SLC22A3: variants seen among roughly 807,000 people sequenced by gnomAD.
The protein encoded by SLC22A3 is EMT organic cation transporter 3.
A neutral mutation model predicts 59.1 loss-of-function variants in SLC22A3; 51 were observed. The ratio of observed to expected loss-of-function variants is 0.86; its 90% CI spans 0.69 to 1.09. SLC22A3 has a LOEUF of 1.09. Among genes scored for constraint, SLC22A3 ranks in the 50% least tolerant of loss-of-function variants. The pLI is 0.00. For synonymous variants in SLC22A3, 325 were observed against 292.0 expected (o/e 1.11, Z -1.15); for missense variants, 711 against 726.3 (o/e 0.98, Z 0.24).
chr6:160,348,859 C>T lies in SLC22A3; in HGVS notation c.429+11C>T, dbSNP rs758533468. On this transcript the variant is annotated intron_variant, in intron 1 of 10. Transcript: ENST00000275300. ...ACCATCGTCAGCGAGGTAAGGGCGC[C>T]CCGGCCCTTTGGAAGCCGGCGGGAG... 1 of 1,573,770 alleles carries T rather than the reference C, an allele frequency of 6.4e-7. No individual in the cohort carries two copies. Among genetic ancestry groups the T allele is most frequent in the Non-Finnish European group, 8.6e-7 (1 of 1,168,224 alleles).
intron 1 of SLC22A3, among the ~76,000 whole-genome samples, chr6:160,378,987 A>C (rs1785698275): frequency 6.6e-6 from 1 of 152,198 alleles, no homozygotes; most frequent in African/African-American, 2.4e-5. Context: ...CACCATTATT[A>C]AGTCGAAAAT....
chr6:160,405,508 G>C (rs562431790), intron 2 of SLC22A3, among the ~76,000 whole-genome samples: 4 of 152,222 alleles, frequency 2.6e-5, no homozygotes, highest in African/African-American at 9.6e-5. Flanking sequence ...ACACATTTTT[G>C]TAATTCTTAC....
At chr6:160,384,460 A>C (rs1785917961) in intron 1 of SLC22A3, among the ~76,000 whole-genome samples, 1 of 152,224 alleles carries the variant, frequency 6.6e-6, no homozygotes. Flanking sequence ...TTCAGCAGAG[A>C]AACTGGAATC....
intron 1 of SLC22A3, among the ~76,000 whole-genome samples, chr6:160,396,885 T>C (rs938226259): frequency 5.3e-5 from 8 of 152,274 alleles, no homozygotes; most frequent in African/African-American, 1.7e-4. Context: ...TTATTGTACA[T>C]AGAAGTATGG....
chr6:160,364,941 T>A (rs1785153957), intron 1 of SLC22A3, among the ~76,000 whole-genome samples: 1 of 152,196 alleles, frequency 6.6e-6, no homozygotes, highest in Non-Finnish European at 1.5e-5. Context: ...TCTTTTACCT[T>A]ATTGAGTTTA....
intron 1 of SLC22A3, among the ~76,000 whole-genome samples, chr6:160,350,779 G>A (rs191014958): frequency 1.3e-5 from 2 of 152,270 alleles, no homozygotes; most frequent in Admixed American, 1.3e-4. Context: ...CTAGCATCCC[G>A]GGGTTACAAT....
At chr6:160,370,504 G>C (rs992496975) in intron 1 of SLC22A3, among the ~76,000 whole-genome samples, 5 of 152,176 alleles carry the variant, frequency 3.3e-5, no homozygotes, top group African/African-American at 1.2e-4. Flanking sequence ...CATTGTTAAT[G>C]CTCTTATGTT....
intron 5 of SLC22A3, among the ~76,000 whole-genome samples, chr6:160,426,705 G>A (rs1415812350): frequency 6.6e-6 from 1 of 152,200 alleles, no homozygotes; most frequent in East Asian, 1.9e-4. Flanking sequence ...TACCTGCTGT[G>A]TCTCTGGTCT....
At chr6:160,384,780 C>A (rs1207067893) in intron 1 of SLC22A3, among the ~76,000 whole-genome samples, 1 of 152,182 alleles carries the variant, frequency 6.6e-6, no homozygotes, top group Non-Finnish European at 1.5e-5. Context: ...CCGCTCCCCT[C>A]CTTCCCACCC....
At position 160,426,149 on chromosome 6, in the gene SLC22A3, T is replaced by C. The variant is rs1043914779; in HGVS notation, c.976-10631T>C. Reference sequence around the variant, plus strand: ...ATTTTGAGGTGCATCTAAACTGATCTTCAAACTCTTCAGCTATACCTGACT... The same window carrying C: ...ATTTTGAGGTGCATCTAAACTGATCCTCAAACTCTTCAGCTATACCTGACT... On this transcript the variant is annotated intron_variant, in intron 5 of 10. Coordinates refer to ENST00000275300, the MANE Select transcript of SLC22A3 (RefSeq NM_021977.4). 5.1e-6 allele frequency: 5 copies of C among 985,340 alleles called. No individual in the cohort carries two copies. The African/African-American group carries it at 7.0e-5, about 14-fold the overall frequency. The allele number at this position is 985,340 out of a possible 1,614,324, so 61.0% of individuals were successfully genotyped here. A position where few individuals can be genotyped will look rare whatever the true frequency, so the allele number is the denominator to read the frequency against.
Position 160,380,750 on chromosome 6 carries a change from C to T in SLC22A3, c.430-17229C>T, listed in dbSNP as rs187419026. On this transcript the variant is annotated intron_variant, in intron 1 of 10. Coordinates refer to ENST00000275300, the MANE Select transcript of SLC22A3 (RefSeq NM_021977.4). Reference sequence around the variant, plus strand: ...TTTAATCAGCTTTTTAATCTGATGACATAGAATGATAACGTAGTAAATCAT... The same window carrying T: ...TTTAATCAGCTTTTTAATCTGATGATATAGAATGATAACGTAGTAAATCAT... Among the ~76,000 whole-genome samples, 132 of 152,180 alleles carry T rather than the reference C, an allele frequency of 8.7e-4. 1 individual carries two copies. The East Asian group carries it at 0.018, about 20-fold the overall frequency.
rs145352848 is a variant in SLC22A3 at position 160,389,659 on chromosome 6, T to C, written c.430-8320T>C. ...TTCTTGACCATTTGTACTCCCAGTG[T>C]TGATGATACTACACCCAGATGGTCA... On this transcript the variant is annotated intron_variant, in intron 1 of 10. Coordinates refer to ENST00000275300, the MANE Select transcript of SLC22A3 (RefSeq NM_021977.4). Among the ~76,000 whole-genome samples the C allele has an allele frequency of 6.4e-3, 981 of 152,358 alleles. 8 individuals carry two copies. The highest frequency in any genetic ancestry group is 0.015 in the South Asian group (72 of 4,824).
At position 160,348,557 on chromosome 6, in the gene SLC22A3, C is replaced by T. The variant is rs1045718349; in HGVS notation, c.138C>T (p.Pro46=). 5.2e-6 allele frequency: 8 copies of T among 1,549,558 alleles called. No individual in the cohort carries two copies. The highest frequency in any genetic ancestry group is 6.9e-6 in the Non-Finnish European group (8 of 1,157,588). ...GCGTGGTCTTCCTGGGCACGCAGCC[C>T]GACCACTACTGGTGCCGCGGGCCAA... is the stretch of plus-strand genomic sequence containing the variant. ...FVGVVFLGTQ[P]DHYWCRGPSA... The change falls in exon 1 of 11, where the codon CCC becomes CCT. Residue 46 remains proline, a synonymous_variant. Coordinates refer to ENST00000275300, the MANE Select transcript of SLC22A3 (RefSeq NM_021977.4).
rs1583486000 is a variant in SLC22A3 at position 160,408,194 on chromosome 6, C to A, written c.689-559C>A. Among the ~76,000 whole-genome samples the A allele has an allele frequency of 6.6e-5, 10 of 152,208 alleles. No homozygotes were observed. In the South Asian group the frequency reaches 2.1e-3, roughly 32 times the overall value. On this transcript the variant is annotated intron_variant, in intron 3 of 10. Transcript: ENST00000275300. ...GGGGCAGGAAAGGAAAAGATTTCAG[C>A]AATAAAATTTCCCATGTGATTTTTA...
chr6:160,359,544 A>G (rs1408841450), intron 1 of SLC22A3, among the ~76,000 whole-genome samples: 2 of 152,176 alleles, frequency 1.3e-5, no homozygotes, highest in African/African-American at 4.8e-5. Flanking sequence ...TTCAGCAAAA[A>G]GGGAAATATC....
chr6:160,420,860 G>A lies in SLC22A3; in HGVS notation c.975+10014G>A, dbSNP rs528110678. ...ACACGGGATTCCCGCCTGGCTGGAG[G>A]ATGGGTCTGGGATCTGCTTGCCAGC... On this transcript the variant is annotated intron_variant, in intron 5 of 10. Coordinates refer to ENST00000275300, the MANE Select transcript of SLC22A3 (RefSeq NM_021977.4). Among the ~76,000 whole-genome samples, 186 of 152,332 alleles carry A rather than the reference G, an allele frequency of 1.2e-3. 2 individuals carry two copies. In the South Asian group the frequency reaches 0.037, roughly 30 times the overall value.
chr6:160,381,925 A>G (rs1239111779), intron 1 of SLC22A3, among the ~76,000 whole-genome samples: 2 of 152,252 alleles, frequency 1.3e-5, no homozygotes. Flanking sequence ...TAAAAATTCT[A>G]AAGGACATAT....
intron 5 of SLC22A3, among the ~76,000 whole-genome samples, chr6:160,416,222 GAACATACAAACAGTATAACTGTTGTTC>G (rs1264159633): frequency 1.3e-5 from 2 of 152,134 alleles, no homozygotes; most frequent in Non-Finnish European, 2.9e-5. Context: ...CAGGCTCTCT[GAACATACAAACAGTATAACTGTTGTTC>G]ACTAAATGGA....
intron 5 of SLC22A3, 77 bp from the exon 6 acceptor site, chr6:160,436,703 G>T: frequency 1.1e-6 from 1 of 881,512 alleles, no homozygotes; most frequent in South Asian, 1.5e-5. Flanking sequence ...ATTTGATTCT[G>T]GTTAATGACA....
Sources: gnomAD v4.1 joint callset for allele counts (sites outside exome capture counted in the v4.1 genomes callset) on GRCh38, gnomAD v4.1.1 for gene constraint, MANE v1.5 for transcripts, NCBI Gene and HGNC (gene_info 2026-07-23, HGNC 2026-07-21) for gene names.